Variants in PIP5K1B observed in about 807,000 individuals in gnomAD.
PIP5K1B encodes the protein phosphatidylinositol 4-phosphate 5-kinase type-1 beta.
PIP5K1B carries 42 observed loss-of-function variants against 67.0 expected under a neutral mutation model. The observed-to-expected ratio is 0.63, with a 90% CI of 0.49 to 0.81. The LOEUF (loss-of-function observed/expected upper bound fraction) is 0.81, where lower values mean the gene tolerates loss of function less well. Among genes scored for constraint, PIP5K1B ranks in the 30% least tolerant of loss-of-function variants. The probability of loss-of-function intolerance (pLI) is 0.00; values close to 1 mark genes in which losing one functional copy is unlikely to be tolerated. For missense variants in PIP5K1B, 459 were observed against 646.3 expected, an observed-to-expected ratio of 0.71 and a Z score of 3.14; for synonymous variants, 214 against 231.4, an observed-to-expected ratio of 0.92 and a Z score of 0.68.
At chr9:68,753,515 C>CT (rs71500334) in intron 2 of PIP5K1B, among the ~76,000 whole-genome samples, 29,990 of 38,074 alleles carry the variant, frequency 0.79, 14,271 homozygotes, top group Non-Finnish European at 0.81. Flanking sequence ...AATTTTGTTT[C>CT]TTTTTTTTTT....
chr9:68,850,166 A>G (rs1216239237), intron 4 of PIP5K1B, among the ~76,000 whole-genome samples: 1 of 152,200 alleles, frequency 6.6e-6, no homozygotes, highest in Admixed American at 6.5e-5. Flanking sequence ...AAAGAAGCCT[A>G]CTTCATCTCT....
intron 11 of PIP5K1B, among the ~76,000 whole-genome samples, chr9:68,920,758 C>T (rs569046454): frequency 2.8e-5 from 4 of 141,708 alleles, no homozygotes; most frequent in South Asian, 2.1e-4. Context: ...TCTCCCATTC[C>T]GTCTCTGTCT....
chr9:68,931,577 A>G (rs1826999451), intron 12 of PIP5K1B, among the ~76,000 whole-genome samples: 2 of 152,266 alleles, frequency 1.3e-5, no homozygotes. Flanking sequence ...GAGAGCTCAC[A>G]GAGAAAAAGA....
At chr9:68,816,109 A>G (rs1833430266) in intron 2 of PIP5K1B, among the ~76,000 whole-genome samples, 1 of 152,180 alleles carries the variant, frequency 6.6e-6, no homozygotes, top group African/African-American at 2.4e-5. Flanking sequence ...CAGCTCAGTC[A>G]ACACGATTTT....
chr9:68,831,331 G>A lies in PIP5K1B; in HGVS notation c.69+8648G>A, dbSNP rs1412002417. On this transcript the variant is annotated intron_variant, in intron 4 of 15. Coordinates refer to ENST00000265382, the MANE Select transcript of PIP5K1B (RefSeq NM_003558.4). ...TAACATAAGTGCTTAGTGCATGCCC[G>A]CTATCATTCTAAGCACTTTAGAAAA... 8.5e-5 allele frequency among the ~76,000 whole-genome samples: 13 copies of A among 152,278 alleles called. No homozygotes were observed. The South Asian group carries it at 1.7e-3, about 19-fold the overall frequency.
intron 14 of PIP5K1B, among the ~76,000 whole-genome samples, chr9:68,971,067 A>G (rs926519425): frequency 6.6e-6 from 1 of 152,152 alleles, no homozygotes; most frequent in Non-Finnish European, 1.5e-5. Context: ...TTTGTTACAT[A>G]GGTATACATG....
intron 8 of PIP5K1B, among the ~76,000 whole-genome samples, chr9:68,906,185 ATTTTTGTAT>A (rs1234133833): frequency 6.6e-6 from 1 of 151,966 alleles, no homozygotes; most frequent in Non-Finnish European, 1.5e-5. Context: ...CACTTGGCTA[ATTTTTGTAT>A]TTTTTGTAGA....
Position 68,889,147 on chromosome 9 carries a change from C to A in PIP5K1B, c.471+14C>A, listed in dbSNP as rs919049634. 1.3e-6 allele frequency: 2 copies of A among 1,594,714 alleles called. No homozygotes were observed. The highest frequency in any genetic ancestry group is 1.7e-6 in the Non-Finnish European group (2 of 1,165,436). ...GGCTATTACATGGTAAGGAACTGCA[C>A]ATCATTAATGCTTCTACTTGAAGTT... On this transcript the variant is annotated intron_variant, in intron 7 of 15. Coordinates refer to ENST00000265382, the MANE Select transcript of PIP5K1B (RefSeq NM_003558.4).
intron 14 of PIP5K1B, among the ~76,000 whole-genome samples, chr9:68,961,139 A>G (rs1009492976): frequency 3.3e-5 from 5 of 151,140 alleles, no homozygotes; most frequent in East Asian, 2.0e-4. Flanking sequence ...GAACCCGGGA[A>G]GCGGAGCTTG....
At chr9:68,920,773 G>GTCTCTCTC (rs895402747) in intron 11 of PIP5K1B, among the ~76,000 whole-genome samples, 1 of 147,290 alleles carries the variant, frequency 6.8e-6, no homozygotes, top group East Asian at 2.0e-4. Flanking sequence ...CTGTCTCTCT[G>GTCTCTCTC]TCTCTCTCTC....
At chr9:68,779,129 G>GAAA (rs11398004) in intron 2 of PIP5K1B, among the ~76,000 whole-genome samples, 1 of 144,406 alleles carries the variant, frequency 6.9e-6, no homozygotes, top group African/African-American at 2.5e-5. Flanking sequence ...TAAGTATGCT[G>GAAA]AAAAAAAAAA....
chr9:68,975,303 A>AGGTAGATT (rs58059827), intron 14 of PIP5K1B, among the ~76,000 whole-genome samples: 10,089 of 152,250 alleles, frequency 0.066, 699 homozygotes, highest in African/African-American at 0.17. Context: ...TCCTGGACTC[A>AGGTAGATT]AATAATCTAC....
intron 14 of PIP5K1B, among the ~76,000 whole-genome samples, chr9:68,984,729 A>C (rs184408886): frequency 6.6e-6 from 1 of 152,174 alleles, no homozygotes; most frequent in Admixed American, 6.5e-5. Flanking sequence ...GTTCATTGTT[A>C]CTCTTCCCAA....
chr9:68,912,267 A>G (rs1231255711), intron 8 of PIP5K1B, among the ~76,000 whole-genome samples: 4 of 152,224 alleles, frequency 2.6e-5, no homozygotes, highest in Non-Finnish European at 5.9e-5. Flanking sequence ...AGATCCATCA[A>G]CTTCCACAGT....
intron 4 of PIP5K1B, among the ~76,000 whole-genome samples, chr9:68,839,762 G>A (rs1012475584): frequency 1.3e-5 from 2 of 152,200 alleles, no homozygotes; most frequent in East Asian, 3.8e-4. Flanking sequence ...CTGAGATGGA[G>A]ACGTCTTGCA....
chr9:68,871,109 G>A (rs73646773), intron 5 of PIP5K1B, among the ~76,000 whole-genome samples: 1 of 152,174 alleles, frequency 6.6e-6, no homozygotes, highest in Non-Finnish European at 1.5e-5. Context: ...GTTGTTATTA[G>A]TACATAGAGA....
chr9:68,855,951 A>G (rs1241716765), intron 4 of PIP5K1B, among the ~76,000 whole-genome samples: 5 of 152,208 alleles, frequency 3.3e-5, no homozygotes, highest in Non-Finnish European at 1.5e-5. Context: ...CAGTGGCTTA[A>G]ATCAATGCAA....
chr9:68,779,609 C>G (rs940922759), intron 2 of PIP5K1B, among the ~76,000 whole-genome samples: 4 of 152,204 alleles, frequency 2.6e-5, no homozygotes, highest in African/African-American at 9.7e-5. Context: ...CCTCACTCTC[C>G]ACTCCAGGCC....
At chr9:68,798,737 T>A (rs972789977) in intron 2 of PIP5K1B, among the ~76,000 whole-genome samples, 2 of 152,230 alleles carry the variant, frequency 1.3e-5, no homozygotes, top group Non-Finnish European at 2.9e-5. Flanking sequence ...TAAAGGGTTT[T>A]ACACAAGGCC....
Sources: allele counts gnomAD v4.1 joint callset (sites outside exome capture counted in the v4.1 genomes callset), GRCh38; gene constraint gnomAD v4.1.1; transcripts MANE v1.5; gene names NCBI Gene and HGNC (gene_info 2026-07-23, HGNC 2026-07-21).